Variants in SNX29 observed in about 807,000 individuals in gnomAD.
SNX29 encodes sorting nexin 29, also known as sorting nexin-29.
A neutral mutation model predicts 102.1 loss-of-function variants in SNX29; 78 were observed. That is an observed-to-expected ratio of 0.76 (90% confidence interval 0.64 to 0.92). SNX29 has a LOEUF of 0.92. SNX29 is among the 40% of genes least tolerant of loss of function. SNX29 has a pLI of 0.00. For missense variants in SNX29, 1,280 were observed against 1,061.7 expected (o/e 1.21, Z -2.86); for synonymous variants, 580 against 414.5 (o/e 1.40, Z -4.85).
At chr16:12,199,933 A>C (rs1250823749) in intron 14 of SNX29, among the ~76,000 whole-genome samples, 1 of 152,198 alleles carries the variant, frequency 6.6e-6, no homozygotes, top group Non-Finnish European at 1.5e-5. Flanking sequence ...GTGTACTTAG[A>C]GAATTTTATG....
chr16:12,572,682 A>AGC lies in SNX29; in HGVS notation c.*4054_*4055dup. 9.4e-7 allele frequency: 1 copy of AGC among 1,063,366 alleles called. No homozygotes were observed. The highest frequency in any genetic ancestry group is 1.1e-6 in the Non-Finnish European group (1 of 878,080). 65.9% of individuals were successfully genotyped at this position (1,063,366 alleles called of 1,614,324 possible). On this transcript the variant is annotated 3_prime_UTR_variant, in exon 21 of 21. Transcript: ENST00000566228. ...TGAGCTGCAGCACCCACACGGGGGAAGCCCTGCACTCCAGCAGCATCTTCC... is the reference window on the plus strand; with the variant it reads ...TGAGCTGCAGCACCCACACGGGGGAAGCGCCCTGCACTCCAGCAGCATCTTCC...
At chr16:12,431,826 A>G (rs978995426) in intron 18 of SNX29, among the ~76,000 whole-genome samples, 13 of 152,212 alleles carry the variant, frequency 8.5e-5, no homozygotes, top group Admixed American at 8.5e-4. Context: ...TTAGCTCACA[A>G]GCTGCTTTCT....
intron 11 of SNX29, among the ~76,000 whole-genome samples, chr16:12,086,009 CTTT>C (rs34239419): frequency 3.4e-5 from 4 of 117,356 alleles, no homozygotes; most frequent in Admixed American, 9.0e-5. Flanking sequence ...CTTGCCAATT[CTTT>C]TTTTTTTTTT....
At chr16:12,541,391 C>G (rs1002594451) in intron 20 of SNX29, among the ~76,000 whole-genome samples, 2 of 152,260 alleles carry the variant, frequency 1.3e-5, no homozygotes, top group South Asian at 2.1e-4. Context: ...CATGTGCAGG[C>G]TCATTGTACA....
Position 12,477,758 on chromosome 16 carries a change from C to T in SNX29, c.2077C>T (p.Arg693Cys), listed in dbSNP as rs1264935360. The stretch of plus-strand genomic sequence containing the variant: ...AAAAGACGATGAATGGAATATTTAT[C>T]GCCGGTATACAGAGTTCAGGAGTTT... ...RIKDDEWNIYRRYTEFRSLHH... is the reference protein window; with the variant it reads ...RIKDDEWNIYCRYTEFRSLHH... Residue 693 changes from arginine to cysteine, a missense_variant, in exon 19 of 21, where the codon CGC becomes TGC. By Grantham distance (180) the Arg-to-Cys change is radical. Coordinates refer to ENST00000566228, the MANE Select transcript of SNX29 (RefSeq NM_032167.5). The T allele has an allele frequency of 5.6e-6, 9 of 1,613,120 alleles. No individual in the cohort carries two copies. Among genetic ancestry groups the T allele is most frequent in the African/African-American group, 2.7e-5 (2 of 74,966 alleles).
intron 20 of SNX29, among the ~76,000 whole-genome samples, chr16:12,566,092 C>T (rs140833797): frequency 2.0e-5 from 3 of 152,368 alleles, no homozygotes; most frequent in African/African-American, 7.2e-5. Context: ...CCCCATGATG[C>T]TTAAAACCAC....
chr16:12,521,802 C>G (rs887496082), intron 19 of SNX29, among the ~76,000 whole-genome samples: 3 of 152,228 alleles, frequency 2.0e-5, no homozygotes, highest in African/African-American at 4.8e-5. Context: ...AGCATTCAGA[C>G]TGGGTGAGCA....
chr16:12,355,205 C>T (rs1296713126), intron 15 of SNX29, among the ~76,000 whole-genome samples: 1 of 152,174 alleles, frequency 6.6e-6, no homozygotes, highest in Admixed American at 6.6e-5. Context: ...GGCGGATTCT[C>T]TTCTGTGAGT....
At chr16:12,543,439 A>G (rs1007849007) in intron 20 of SNX29, among the ~76,000 whole-genome samples, 18 of 151,968 alleles carry the variant, frequency 1.2e-4, no homozygotes, top group Admixed American at 7.9e-4. Context: ...GTGGGCAAAC[A>G]TATGTTCATG....
intron 18 of SNX29, among the ~76,000 whole-genome samples, chr16:12,470,466 C>T (rs1030617015): frequency 3.9e-5 from 6 of 152,312 alleles, no homozygotes; most frequent in African/African-American, 1.4e-4. Context: ...AACCTGGGGG[C>T]TTGCGTGGCA....
chr16:12,002,148 T>A (rs1031636998), intron 2 of SNX29, among the ~76,000 whole-genome samples: 3 of 152,016 alleles, frequency 2.0e-5, no homozygotes, highest in Non-Finnish European at 2.9e-5. Context: ...TTTTACTAAT[T>A]CAAAAAGTAG....
rs904871686 is a variant in SNX29, at chr16:12,515,359, C to T, written c.2179-9343C>T. On this transcript the variant is annotated intron_variant, in intron 19 of 20. Coordinates refer to ENST00000566228, the MANE Select transcript of SNX29 (RefSeq NM_032167.5). ...GCTCACAGTAGGCCCCCAAAGAATG[C>T]ATGCTGAATGAATCAACAAACGAAT... is the stretch of plus-strand genomic sequence containing the variant. Among the ~76,000 whole-genome samples the T allele has an allele frequency of 2.6e-5, 4 of 152,310 alleles. No homozygotes were observed. The East Asian group carries it at 7.7e-4, about 29-fold the overall frequency.
chr16:11,998,473 G>C (rs532798481), intron 1 of SNX29, among the ~76,000 whole-genome samples: 1 of 152,220 alleles, frequency 6.6e-6, no homozygotes, highest in South Asian at 2.1e-4. Flanking sequence ...GGACAAATAG[G>C]GTTATTTATT....
chr16:12,155,096 G>A (rs1443183408), intron 13 of SNX29, among the ~76,000 whole-genome samples: 2 of 152,140 alleles, frequency 1.3e-5, no homozygotes, highest in Non-Finnish European at 1.5e-5. Context: ...TCTGCTGGAT[G>A]CCTTGTTCTG....
intron 14 of SNX29, among the ~76,000 whole-genome samples, chr16:12,259,829 A>G (rs995966367): frequency 7.1e-6 from 1 of 141,184 alleles, no homozygotes; most frequent in South Asian, 2.6e-4. Flanking sequence ...TGTGACTTTG[A>G]TGAGCGTGGT....
chr16:12,547,910 T>A (rs2077711294), intron 20 of SNX29, among the ~76,000 whole-genome samples: 1 of 152,138 alleles, frequency 6.6e-6, no homozygotes, highest in Non-Finnish European at 1.5e-5. Flanking sequence ...GGAGCTGCTC[T>A]TAGGGGTTCA....
At position 12,278,043 on chromosome 16, in the gene SNX29, C is replaced by T; in HGVS notation, c.1782+7C>T. 7 of 1,588,148 alleles carry T rather than the reference C, an allele frequency of 4.4e-6. No homozygotes were observed. The highest frequency in any genetic ancestry group is 6.0e-6 in the Non-Finnish European group (7 of 1,166,958). On this transcript the variant is annotated splice_region_variant and intron_variant, in intron 15 of 20. Coordinates refer to ENST00000566228, the MANE Select transcript of SNX29 (RefSeq NM_032167.5). Reference sequence around the variant, plus strand: ...CGAAAGAAAGCTCATCGAGGTAAGGCCGGTGGAGTCTGTGTGTCTTTGTTT... The same window carrying T: ...CGAAAGAAAGCTCATCGAGGTAAGGTCGGTGGAGTCTGTGTGTCTTTGTTT...
At chr16:12,437,523 T>C (rs766008518) in intron 18 of SNX29, among the ~76,000 whole-genome samples, 10 of 152,220 alleles carry the variant, frequency 6.6e-5, no homozygotes, top group Non-Finnish European at 1.0e-4. Flanking sequence ...AGGACATACA[T>C]ATGAAGTACA....
At chr16:12,449,911 C>T (rs914268340) in intron 18 of SNX29, among the ~76,000 whole-genome samples, 63 of 152,314 alleles carry the variant, frequency 4.1e-4, no homozygotes, top group African/African-American at 1.5e-3. Context: ...ACCCATATCT[C>T]ATCTTGAGTT....
Sources: gnomAD v4.1 joint callset for allele counts (sites outside exome capture counted in the v4.1 genomes callset) on GRCh38, gnomAD v4.1.1 for gene constraint, MANE v1.5 for transcripts, NCBI Gene and HGNC (gene_info 2026-07-23, HGNC 2026-07-21) for gene names.